The following KALRN variants were observed in gnomAD, a reference collection of about 807,000 sequenced individuals.
KALRN encodes the protein kalirin RhoGEF kinase.
Under a neutral mutation model 353.7 loss-of-function variants are expected in KALRN, and 70 were observed. The ratio of observed to expected loss-of-function variants is 0.20; its 90% CI spans 0.16 to 0.24. The LOEUF is 0.24. KALRN is among the 10% of genes least tolerant of loss of function. KALRN has a pLI of 1.00. For missense variants in KALRN, 2,791 were observed against 3,756.7 expected, an observed-to-expected ratio of 0.74 and a Z score of 6.72; for synonymous variants, 1,391 against 1,434.8, an observed-to-expected ratio of 0.97 and a Z score of 0.69.
chr3:124,175,278 T>C (rs2150145463), intron 1 of KALRN, among the ~76,000 whole-genome samples: 1 of 152,376 alleles, frequency 6.6e-6, no homozygotes, highest in African/African-American at 2.4e-5. Flanking sequence ...ACCAGGCACC[T>C]AGCGCTGTGT....
chr3:124,366,069 C>T (rs1369932869), intron 10 of KALRN, among the ~76,000 whole-genome samples: 3 of 152,132 alleles, frequency 2.0e-5, no homozygotes, highest in Non-Finnish European at 2.9e-5. Flanking sequence ...ATATGTGTGT[C>T]ATACCAACAT....
At chr3:124,431,471 T>C (rs1445623) in intron 16 of KALRN, among the ~76,000 whole-genome samples, 2,211 of 152,334 alleles carry the variant, frequency 0.015, 74 homozygotes, top group East Asian at 0.075. Flanking sequence ...CCTTTTTAAC[T>C]AGGACATTGT....
At chr3:124,272,371 G>A (rs888102821) in intron 5 of KALRN, among the ~76,000 whole-genome samples, 2 of 152,146 alleles carry the variant, frequency 1.3e-5, no homozygotes, top group Non-Finnish European at 2.9e-5. Flanking sequence ...ACACACTAAT[G>A]CAGTTTGTTG....
rs1560290554 is a variant in KALRN at position 124,227,992 on chromosome 3, T to G, written c.76T>G (p.Ser26Ala). 1 of 1,613,716 alleles carries G rather than the reference T, an allele frequency of 6.2e-7. No homozygotes were observed. ...CCTTCTGGTTTGTTGTCCCACAGGG[T>G]CTTTTCGGAATGATGGTTTGAAAGC... ...SDVDAFFRTG[S>A]FRNDGLKASD... The change falls in exon 2 of 60, where the codon TCT (serine) becomes GCT (alanine). Residue 26 changes from serine to alanine, a missense_variant and splice_region_variant. Ser to Ala is a moderately conservative substitution (Grantham distance 99, BLOSUM62 1). This residue lies in a region of KALRN where 110 missense variants were observed against 204.1 expected (regional missense o/e 0.54). Coordinates refer to ENST00000682506, the MANE Select transcript of KALRN (RefSeq NM_001388419.1).
At chr3:124,664,782 C>T (rs2085414345) in intron 45 of KALRN, among the ~76,000 whole-genome samples, 1 of 152,152 alleles carries the variant, frequency 6.6e-6, no homozygotes, top group Non-Finnish European at 1.5e-5. Context: ...TTTTTGCATT[C>T]CTTCAGCTAA....
At chr3:124,365,720 G>C (rs2084600722) in intron 10 of KALRN, among the ~76,000 whole-genome samples, 1 of 152,188 alleles carries the variant, frequency 6.6e-6, no homozygotes, top group South Asian at 2.1e-4. Flanking sequence ...ATATTAGCTT[G>C]TCAGTTTCAC....
intron 12 of KALRN, chr3:124,395,544 C>A (rs561993099): frequency 9.4e-6 from 5 of 531,676 alleles, no homozygotes; most frequent in African/African-American, 3.8e-5. Flanking sequence ...TTTAATGTTT[C>A]AAAGAATTAT....
At chr3:124,533,032 T>G (rs1472769572) in intron 33 of KALRN, among the ~76,000 whole-genome samples, 1 of 148,620 alleles carries the variant, frequency 6.7e-6, no homozygotes, top group Admixed American at 6.7e-5. Flanking sequence ...TATATAATTA[T>G]ATACATAATT....
chr3:124,519,709 C>G, intron 33 of KALRN: 1 of 985,412 alleles, frequency 1.0e-6, no homozygotes, highest in South Asian at 4.7e-5. Context: ...TTGCACCTGG[C>G]TCAGGAAAGG....
At chr3:124,239,165 A>G (rs956143282) in intron 3 of KALRN, among the ~76,000 whole-genome samples, 1 of 152,172 alleles carries the variant, frequency 6.6e-6, no homozygotes, top group Non-Finnish European at 1.5e-5. Context: ...AAATACTCAG[A>G]TGTGATCAGC....
chr3:124,302,551 A>G (rs981436537), intron 6 of KALRN, among the ~76,000 whole-genome samples: 1 of 152,248 alleles, frequency 6.6e-6, no homozygotes, highest in African/African-American at 2.4e-5. Context: ...TCAACTAATA[A>G]CTTACCTGTT....
intron 12 of KALRN, 67 bp downstream of exon 12, chr3:124,395,410 G>T: frequency 7.4e-7 from 1 of 1,360,260 alleles, no homozygotes; most frequent in Non-Finnish European, 1.0e-6. Context: ...TCCTGTCCCA[G>T]TCTTGACTCA....
intron 1 of KALRN, among the ~76,000 whole-genome samples, chr3:124,115,361 G>A (rs2063357777): frequency 6.6e-6 from 1 of 152,176 alleles, no homozygotes; most frequent in Admixed American, 6.5e-5. Context: ...CTTTGGCTGA[G>A]GTCACTTAGC....
chr3:124,135,784 AAC>A (rs1195558592), intron 1 of KALRN, among the ~76,000 whole-genome samples: 1 of 152,088 alleles, frequency 6.6e-6, no homozygotes, highest in Non-Finnish European at 1.5e-5. Flanking sequence ...GGACATTCTA[AAC>A]ACAGCAGCCC....
At chr3:124,144,597 T>C (rs1190451811) in intron 1 of KALRN, among the ~76,000 whole-genome samples, 1 of 150,746 alleles carries the variant, frequency 6.6e-6, no homozygotes, top group African/African-American at 2.4e-5. Context: ...TTCCTCGTCT[T>C]CCTTCTCCTC....
At chr3:124,184,087 A>G (rs2073932976) in intron 1 of KALRN, among the ~76,000 whole-genome samples, 1 of 152,202 alleles carries the variant, frequency 6.6e-6, no homozygotes, top group South Asian at 2.1e-4. Flanking sequence ...CAGAAAAGGA[A>G]GAAGGTTGTT....
intron 8 of KALRN, among the ~76,000 whole-genome samples, chr3:124,332,998 G>C (rs1324023422): frequency 6.6e-6 from 1 of 152,194 alleles, no homozygotes; most frequent in African/African-American, 2.4e-5. Context: ...TGCACTCACA[G>C]TTTCACATGG....
At chr3:124,041,163 A>T (rs2039930690) in intron 1 of KALRN, among the ~76,000 whole-genome samples, 1 of 152,158 alleles carries the variant, frequency 6.6e-6, no homozygotes, top group Non-Finnish European at 1.5e-5. Context: ...TTAAAAGGGG[A>T]GGGAAAAGTC....
intron 10 of KALRN, among the ~76,000 whole-genome samples, chr3:124,360,177 C>T (rs1315340276): frequency 6.6e-6 from 1 of 152,178 alleles, no homozygotes; most frequent in Non-Finnish European, 1.5e-5. Context: ...AGCTGCTGGG[C>T]TGCAATTCAG....
Sources: gnomAD v4.1 joint callset for allele counts (sites outside exome capture counted in the v4.1 genomes callset) on GRCh38, gnomAD v4.1.1 for gene constraint, gnomAD v4.1.1 regional missense constraint, MANE v1.5 for transcripts, NCBI Gene and HGNC (gene_info 2026-07-23, HGNC 2026-07-21) for gene names.